Variants in NLRP2 observed in about 807,000 individuals in gnomAD.
NLRP2 encodes the protein NLR family pyrin domain containing 2, also known as NACHT, LRR and PYD domains-containing protein 2.
NLRP2 carries 107 observed loss-of-function variants against 97.2 expected under a neutral mutation model. That is an observed-to-expected ratio of 1.10 (90% CI 0.94 to 1.29). NLRP2 has a LOEUF of 1.29. Ranked by LOEUF, NLRP2 falls within the 50% of genes most tolerant of loss-of-function variation. The pLI, the probability that NLRP2 is intolerant of heterozygous loss-of-function variation, is 0.00. For missense variants in NLRP2, 1,495 were observed against 1,330.3 expected, an observed-to-expected ratio of 1.12 and a Z score of -1.93; for synonymous variants, 663 against 551.5, an observed-to-expected ratio of 1.20 and a Z score of -2.83.
rs752220023 is a variant in NLRP2, at chr19:54,982,961, C to G, written c.1263C>G (p.Thr421=). 1.6e-5 allele frequency: 25 copies of G among 1,611,968 alleles called. No individual in the cohort carries two copies. The highest frequency in any genetic ancestry group is 6.7e-5 in the Admixed American group (4 of 59,944). Residue 421 remains threonine, a synonymous_variant, in exon 6 of 13, where the codon ACC becomes ACG. Transcript: ENST00000448584. ...QMEKGEDPVP[T]CLTRTGLFLR... ...AGAAGGGGGAGGACCCGGTCCCCAC[C>G]TGCCTCACCCGCACGGGGCTGTTCC... is the stretch of plus-strand genomic sequence containing the variant.
chr19:55,000,799 G>T lies in NLRP2; in HGVS notation c.3090G>T (p.Leu1030=). The T allele has an allele frequency of 6.2e-7, 1 of 1,613,732 alleles. No homozygotes were observed. Among genetic ancestry groups the T allele is most frequent in the Non-Finnish European group, 8.5e-7 (1 of 1,179,736 alleles). ...ACTTTAATGATGAACTCAATAAGCTGCTGGAAGAAATAGAAGAAAAAAACC... is the reference window on the plus strand; with the variant it reads ...ACTTTAATGATGAACTCAATAAGCTTCTGGAAGAAATAGAAGAAAAAAACC... The part of the protein sequence containing the change: ...IDDFNDELNK[L]LEEIEEKNPQ... The change falls in exon 13 of 13, where the codon CTG becomes CTT. Residue 1030 remains leucine, a synonymous_variant. Coordinates refer to ENST00000448584, the MANE Select transcript of NLRP2 (RefSeq NM_017852.5).
intron 1 of NLRP2, among the ~76,000 whole-genome samples, chr19:54,967,424 G>A (rs1160862507): frequency 6.6e-6 from 1 of 152,096 alleles, no homozygotes; most frequent in Non-Finnish European, 1.5e-5. Context: ...GGAGGTTGCG[G>A]GGAGCCTAGA....
At chr19:54,994,171 CTAAG>C in intron 10 of NLRP2, 94 bp from the exon 11 acceptor site, 3 of 1,258,770 alleles carry the variant, frequency 2.4e-6, no homozygotes, top group Non-Finnish European at 3.5e-6. Flanking sequence ...ACCACTGTCT[CTAAG>C]TGTGTCTAAC....
At chr19:54,995,407 G>T (rs2072754472) in intron 11 of NLRP2, among the ~76,000 whole-genome samples, 1 of 151,386 alleles carries the variant, frequency 6.6e-6, no homozygotes. Flanking sequence ...GGTCAGGCTG[G>T]TCTCGACCTC....
chr19:54,990,130 T>A lies in NLRP2; in HGVS notation c.2475T>A (p.Asp825Glu), dbSNP rs751862608. ...CVNLSDNELL[D>E]EGAKLLYTTL... ...ACCTCTCCGACAATGAGCTTCTGGA[T>A]GAGGGTGCTAAGTTGCTGTACACAA... Residue 825 changes from aspartate to glutamate, a missense_variant, in exon 9 of 13, where the codon GAT becomes GAA. Asp to Glu is a conservative substitution (Grantham distance 45, BLOSUM62 2). Transcript: ENST00000448584. The A allele has an allele frequency of 6.2e-7, 1 of 1,614,166 alleles. No individual in the cohort carries two copies. Among genetic ancestry groups the A allele is most frequent in the Non-Finnish European group, 8.5e-7 (1 of 1,180,030 alleles).
rs73607925 is a variant in NLRP2, at chr19:54,985,819, A to G, written c.2202-332A>G. 4.6e-3 allele frequency among the ~76,000 whole-genome samples: 705 copies of G among 152,178 alleles called. 3 individuals are homozygous for G. The highest frequency in any genetic ancestry group is 0.016 in the African/African-American group (677 of 41,514). On this transcript the variant is annotated intron_variant, in intron 7 of 12. Coordinates refer to ENST00000448584, the MANE Select transcript of NLRP2 (RefSeq NM_017852.5). ...AAGACCAGCCTGGCCAAGATGGTGC[A>G]AGACCCTGTCTCTACGAAAAATACA...
At position 54,975,106 on chromosome 19, in the gene NLRP2, G is replaced by GTTTTTTTTTTTTTTT. The variant is rs558518586; in HGVS notation, c.325+585_325+599dup. On this transcript the variant is annotated intron_variant, in intron 3 of 12. Coordinates refer to ENST00000448584, the MANE Select transcript of NLRP2 (RefSeq NM_017852.5). Reference sequence around the variant, plus strand: ...ATGAGCCACCACCACACCCGGTTTTGTTTTTTTTTTTTTTTTTTTTTTTTT... The same window carrying GTTTTTTTTTTTTTTT: ...ATGAGCCACCACCACACCCGGTTTTGTTTTTTTTTTTTTTTTTTTTTTTTTTTTTTTTTTTTTTTT... Among the ~76,000 whole-genome samples the GTTTTTTTTTTTTTTT allele has an allele frequency of 8.5e-4, 50 of 58,702 alleles. 10 individuals carry two copies. The highest frequency in any genetic ancestry group is 1.2e-3 in the Non-Finnish European group (34 of 28,944). 38.5% of individuals were successfully genotyped at this position (58,702 alleles called of 152,430 possible).
chr19:54,984,530 C>A (rs900476712), intron 6 of NLRP2, among the ~76,000 whole-genome samples: 2 of 91,082 alleles, frequency 2.2e-5, no homozygotes, highest in East Asian at 2.9e-4. Flanking sequence ...TTTCCCAGGT[C>A]GGAGTGAAGT....
rs540940476 is a variant in NLRP2, at chr19:54,994,282, G to A, written c.2722G>A (p.Asp908Asn). Reference sequence around the variant, plus strand: ...GTTGATTTCTAGGCTTTGGAACTGCGACATAACTAGCGATGGCTGCTGCGA... The same window carrying A: ...GTTGATTTCTAGGCTTTGGAACTGCAACATAACTAGCGATGGCTGCTGCGA... ...KLQTLVLWNC[D>N]ITSDGCCDLT... is the part of the protein sequence containing the mutation. The change falls in exon 11 of 13, where the codon GAC (aspartate) becomes AAC (asparagine). Residue 908 changes from aspartate (D) to asparagine (N), a missense_variant. By Grantham distance (23) the Asp-to-Asn change is conservative (BLOSUM62 1). Coordinates refer to ENST00000448584, the MANE Select transcript of NLRP2 (RefSeq NM_017852.5). 1.4e-5 allele frequency: 22 copies of A among 1,614,064 alleles called. No individual in the cohort carries two copies. In the Middle Eastern group the frequency reaches 8.3e-4, roughly 61 times the overall value.
At chr19:54,993,631 G>A (rs2072629787) in intron 10 of NLRP2, 1 of 161,296 alleles carries the variant, frequency 6.2e-6, no homozygotes, top group Admixed American at 5.7e-5. Flanking sequence ...GATCATCTGA[G>A]GTCGGGAGTT....
chr19:54,995,570 G>C (rs1465495637), intron 11 of NLRP2, among the ~76,000 whole-genome samples: 2 of 151,740 alleles, frequency 1.3e-5, no homozygotes, highest in African/African-American at 4.8e-5. Flanking sequence ...GGCTACAAGA[G>C]CAAGACTCCA....
At position 54,970,110 on chromosome 19, in the gene NLRP2, C is replaced by T. The variant is rs770033217; in HGVS notation, c.95C>T (p.Thr32Ile). 33 of 1,613,954 alleles carry T rather than the reference C, an allele frequency of 2.0e-5. No individual in the cohort carries two copies. Among genetic ancestry groups the T allele is most frequent in the Non-Finnish European group, 2.4e-5 (28 of 1,180,042 alleles). ...AGCAAGTTCAAGTATCTGATCACGA[C>T]CTTCTCCCTGGCACACGAGCTCCAG... is the stretch of plus-strand genomic sequence containing the variant. ...ELSKFKYLIT[T>I]FSLAHELQKI... The change falls in exon 2 of 13, where the codon ACC becomes ATC. Residue 32 changes from threonine to isoleucine, a missense_variant. By Grantham distance (89) the Thr-to-Ile change is moderately conservative. Coordinates refer to ENST00000448584, the MANE Select transcript of NLRP2 (RefSeq NM_017852.5).
chr19:54,998,522 G>T (rs1359878318), intron 12 of NLRP2, among the ~76,000 whole-genome samples: 1 of 145,156 alleles, frequency 6.9e-6, no homozygotes, highest in African/African-American at 2.6e-5. Context: ...GACACTAAGG[G>T]TTTTTTTAAG....
chr19:54,986,651 A>G (rs2072110373), intron 8 of NLRP2, among the ~76,000 whole-genome samples: 1 of 151,932 alleles, frequency 6.6e-6, no homozygotes, highest in Admixed American at 6.6e-5. Context: ...CCTGGGTTCA[A>G]GTAATTCTGC....
chr19:54,983,945 G>T (rs2071845384), intron 6 of NLRP2, among the ~76,000 whole-genome samples: 1 of 152,068 alleles, frequency 6.6e-6, no homozygotes, highest in Non-Finnish European at 1.5e-5. Context: ...CCGCCTCCCG[G>T]GTTCAAGTGA....
chr19:54,993,940 C>T, intron 10 of NLRP2: 1 of 429,188 alleles, frequency 2.3e-6, no homozygotes, highest in Non-Finnish European at 4.3e-6. Flanking sequence ...GCTCCCTTAT[C>T]ACGTCACCTC....
At chr19:54,976,325 T>A (rs2071226341) in intron 3 of NLRP2, among the ~76,000 whole-genome samples, 1 of 151,012 alleles carries the variant, frequency 6.6e-6, no homozygotes, top group Admixed American at 6.6e-5. Flanking sequence ...AGTGTTGGGA[T>A]TACAGGTGTG....
At chr19:54,984,979 A>G (rs897867652) in intron 6 of NLRP2, 68 bp from the exon 7 acceptor site, 5 of 1,516,390 alleles carry the variant, frequency 3.3e-6, no homozygotes, top group Middle Eastern at 4.3e-4. Context: ...ATATGCCCAG[A>G]GAAACCCTAA....
chr19:54,977,862 A>T lies in NLRP2; in HGVS notation c.397+39A>T, dbSNP rs534135124. On this transcript the variant is annotated intron_variant, in intron 4 of 12. Coordinates refer to ENST00000448584, the MANE Select transcript of NLRP2 (RefSeq NM_017852.5). ...CCTCCAATGTTGGAGTCAGCTGAGGAAGCCCCCCGTTCTTGCTGCTATCTC... is the reference window on the plus strand; with the variant it reads ...CCTCCAATGTTGGAGTCAGCTGAGGTAGCCCCCCGTTCTTGCTGCTATCTC... The T allele has an allele frequency of 4.8e-4, 766 of 1,583,260 alleles. 5 individuals are homozygous for T. Among genetic ancestry groups the T allele is most frequent in the Middle Eastern group, 6.6e-4 (4 of 6,022 alleles).
Sources: gnomAD v4.1 joint callset for allele counts (sites outside exome capture counted in the v4.1 genomes callset) on GRCh38, gnomAD v4.1.1 for gene constraint, MANE v1.5 for transcripts, NCBI Gene and HGNC (gene_info 2026-07-23, HGNC 2026-07-21) for gene names.